CD2AP: variants seen among roughly 807,000 people sequenced by gnomAD.
CD2AP encodes the protein CD2 associated protein.
CD2AP carries 46 observed loss-of-function variants against 85.1 expected under a neutral mutation model. The ratio of observed to expected loss-of-function variants is 0.54; its 90% CI spans 0.43 to 0.69. CD2AP has a LOEUF of 0.69. Among genes scored for constraint, CD2AP ranks in the 30% least tolerant of loss-of-function variants. The pLI, the probability that CD2AP is intolerant of heterozygous loss-of-function variation, is 0.00. For synonymous variants in CD2AP, 255 were observed against 252.9 expected (o/e 1.01, Z -0.08); for missense variants, 769 against 729.5 (o/e 1.05, Z -0.62).
chr6:47,558,143 A>C (rs1562031175), intron 5 of CD2AP, among the ~76,000 whole-genome samples: 1 of 152,136 alleles, frequency 6.6e-6, no homozygotes, highest in African/African-American at 2.4e-5. Flanking sequence ...TTATTGGTGT[A>C]TAGGAATGCT....
intron 11 of CD2AP, among the ~76,000 whole-genome samples, chr6:47,583,991 G>A (rs917248804): frequency 7.2e-5 from 11 of 152,110 alleles, no homozygotes; most frequent in Admixed American, 1.3e-4. Context: ...TTTGTTTTCA[G>A]TTGCAATTCC....
Position 47,478,119 on chromosome 6 carries a change from T to A in CD2AP, c.-126T>A. The A allele has an allele frequency of 7.9e-7, 1 of 1,268,790 alleles. No individual in the cohort carries two copies. The highest frequency in any genetic ancestry group is 1.1e-6 in the Non-Finnish European group (1 of 894,382). 78.6% of individuals were successfully genotyped at this position (1,268,790 alleles called of 1,614,324 possible). Reference sequence around the variant, plus strand: ...GATGGAGGCGACTCTTCGCCCCGCCTGAGCTCAGGAGGGGCTAGCGCGGAG... The same window carrying A: ...GATGGAGGCGACTCTTCGCCCCGCCAGAGCTCAGGAGGGGCTAGCGCGGAG... On this transcript the variant is annotated 5_prime_UTR_variant, in exon 1 of 18. The change abolishes the stop of an existing upstream ORF in the 5' untranslated region. Coordinates refer to ENST00000359314, the MANE Select transcript of CD2AP (RefSeq NM_012120.3).
rs959887646 is a variant in CD2AP, at chr6:47,562,812, G to T, written c.541+8046G>T. On this transcript the variant is annotated intron_variant, in intron 5 of 17. Coordinates refer to ENST00000359314, the MANE Select transcript of CD2AP (RefSeq NM_012120.3). ...GTGATGAGCCTTTGTATGTCAAGTT[G>T]GTGGAGGCCCTTGGTGCTGAACACC... The T allele has an allele frequency of 3.5e-6, 4 of 1,157,466 alleles. No individual in the cohort carries two copies. The African/African-American group carries it at 6.0e-5, about 17-fold the overall frequency. The allele number at this position is 1,157,466 out of a possible 1,614,324, so 71.7% of individuals were successfully genotyped here.
intron 8 of CD2AP, among the ~76,000 whole-genome samples, chr6:47,578,182 G>A (rs1256619234): frequency 6.6e-6 from 1 of 151,788 alleles, no homozygotes; most frequent in East Asian, 1.9e-4. Context: ...AAACTTAGAA[G>A]GTCTTGTTAA....
intron 3 of CD2AP, among the ~76,000 whole-genome samples, chr6:47,541,938 C>T (rs751373090): frequency 6.6e-6 from 1 of 152,318 alleles, no homozygotes; most frequent in Admixed American, 6.5e-5. Context: ...TTAGGATTCT[C>T]CTTTGTTGTC....
chr6:47,479,349 G>T (rs961629105), intron 1 of CD2AP, among the ~76,000 whole-genome samples: 2 of 152,224 alleles, frequency 1.3e-5, no homozygotes, highest in Non-Finnish European at 2.9e-5. Flanking sequence ...TACTGCTGAT[G>T]TGGCACCCTC....
At chr6:47,494,499 C>G (rs1476878975) in intron 1 of CD2AP, among the ~76,000 whole-genome samples, 1 of 152,104 alleles carries the variant, frequency 6.6e-6, no homozygotes, top group African/African-American at 2.4e-5. Flanking sequence ...CAGGGAAATT[C>G]CCATTCCTAG....
chr6:47,613,959 C>G (rs753475038), intron 17 of CD2AP, among the ~76,000 whole-genome samples: 6 of 152,178 alleles, frequency 3.9e-5, no homozygotes, highest in Admixed American at 6.5e-5. Flanking sequence ...ACCACATGAA[C>G]CAGCCTCTGC....
chr6:47,494,475 G>A (rs933911849), intron 1 of CD2AP, among the ~76,000 whole-genome samples: 2 of 152,174 alleles, frequency 1.3e-5, no homozygotes, highest in Non-Finnish European at 2.9e-5. Context: ...TGGAGCTGTG[G>A]AGTGGACTTA....
chr6:47,493,976 ATGT>A (rs1475925468), intron 1 of CD2AP, among the ~76,000 whole-genome samples: 3 of 151,820 alleles, frequency 2.0e-5, no homozygotes, highest in Admixed American at 2.0e-4. Context: ...TCTGCTTTTT[ATGT>A]TATCACCCTT....
chr6:47,579,559 T>C (rs1170830724), intron 9 of CD2AP, 70 bp downstream of exon 9: 3 of 938,378 alleles, frequency 3.2e-6, no homozygotes, highest in African/African-American at 1.6e-5. Context: ...TGCAAACAAG[T>C]TTTTTTGCAT....
chr6:47,559,669 A>C (rs933826247), intron 5 of CD2AP, among the ~76,000 whole-genome samples: 1 of 152,194 alleles, frequency 6.6e-6, no homozygotes, highest in South Asian at 2.1e-4. Context: ...TACTAAAGTT[A>C]ATGTGCTCTG....
intron 2 of CD2AP, among the ~76,000 whole-genome samples, chr6:47,508,569 G>A (rs190020089): frequency 3.6e-4 from 51 of 142,176 alleles, no homozygotes; most frequent in African/African-American, 1.2e-3. Context: ...TTTTTGGGAC[G>A]GAGTCTCGCT....
Position 47,626,344 on chromosome 6 carries a change from C to T in CD2AP, c.*2117C>T, listed in dbSNP as rs1364938422. ...TGATGGGAAAAATGATTCCTTTATT[C>T]TAGCAACTTACTTTCTGTTGGTATG... On this transcript the variant is annotated 3_prime_UTR_variant, in exon 18 of 18. Coordinates refer to ENST00000359314, the MANE Select transcript of CD2AP (RefSeq NM_012120.3). 6.6e-6 allele frequency: 1 copy of T among 152,150 alleles called. No homozygotes were observed. Among genetic ancestry groups the T allele is most frequent in the East Asian group, 1.9e-4 (1 of 5,202 alleles). 9.4% of individuals were successfully genotyped at this position (152,150 alleles called of 1,614,324 possible). A position where few individuals can be genotyped will look rare whatever the true frequency, so the allele number is the denominator to read the frequency against.
chr6:47,513,781 C>T (rs1562010888), intron 2 of CD2AP, among the ~76,000 whole-genome samples: 1 of 151,140 alleles, frequency 6.6e-6, no homozygotes, highest in Non-Finnish European at 1.5e-5. Flanking sequence ...TTGCTGACTC[C>T]TAGGGTGTGC....
intron 1 of CD2AP, among the ~76,000 whole-genome samples, chr6:47,499,769 G>T (rs1201285223): frequency 6.6e-6 from 1 of 152,104 alleles, no homozygotes; most frequent in African/African-American, 2.4e-5. Flanking sequence ...TTGAGACAGA[G>T]TCTTGCTCTG....
rs757803894 is a variant in CD2AP, at chr6:47,580,823, A to G, written c.1009-41A>G. The G allele has an allele frequency of 1.4e-5, 20 of 1,459,156 alleles. No homozygotes were observed. In the South Asian group the frequency reaches 1.5e-4, roughly 11 times the overall value. The allele number at this position is 1,459,156 out of a possible 1,614,324, so 90.4% of individuals were successfully genotyped here. ...AGAGTTTATTTTAACTATATTTGAT[A>G]TGAAACTGGTCAGCCGTTTCCACCA... On this transcript the variant is annotated intron_variant, in intron 9 of 17. Coordinates refer to ENST00000359314, the MANE Select transcript of CD2AP (RefSeq NM_012120.3).
chr6:47,609,636 C>A (rs1187700218), intron 16 of CD2AP: 1 of 233,350 alleles, frequency 4.3e-6, no homozygotes, highest in Non-Finnish European at 8.4e-6. Context: ...GAAGTCAAGG[C>A]TGCAGTGAGC....
intron 1 of CD2AP, among the ~76,000 whole-genome samples, chr6:47,484,976 A>G (rs868198932): frequency 3.3e-5 from 5 of 152,170 alleles, no homozygotes; most frequent in Admixed American, 6.5e-5. Flanking sequence ...AGTTGTAGCC[A>G]TCCCACACTA....
Sources: allele counts gnomAD v4.1 joint callset (sites outside exome capture counted in the v4.1 genomes callset), GRCh38; gene constraint gnomAD v4.1.1; transcripts MANE v1.5; gene names NCBI Gene and HGNC (gene_info 2026-07-23, HGNC 2026-07-21).